The following SSBP4 variants were observed in gnomAD, a reference collection of about 807,000 sequenced individuals.
The protein encoded by SSBP4 is single stranded DNA binding protein 4.
A neutral mutation model predicts 64.6 loss-of-function variants in SSBP4; 33 were observed. That is an observed-to-expected ratio of 0.51 (90% CI 0.39 to 0.68). The LOEUF is 0.68. SSBP4 is among the 30% of genes least tolerant of loss of function. The probability of loss-of-function intolerance (pLI) is 0.00; values close to 1 mark genes in which losing one functional copy is unlikely to be tolerated. For missense variants in SSBP4, 583 were observed against 566.8 expected (o/e 1.03, Z -0.29); for synonymous variants, 243 against 224.0 (o/e 1.08, Z -0.76).
rs80187524 is a variant in SSBP4, at chr19:18,423,327, G to A, written c.59+3620G>A. Among the ~76,000 whole-genome samples the A allele has an allele frequency of 0.041, 6,306 of 152,228 alleles. 267 individuals are homozygous for A. Among genetic ancestry groups the A allele is most frequent in the African/African-American group, 0.11 (4,558 of 41,540 alleles). ...AGGGATGGGATTCACGATTGGACGT[G>A]GTCATTTTGGCCCCTGGCTGGAAAT... On this transcript the variant is annotated intron_variant, in intron 1 of 17. Coordinates refer to ENST00000270061, the MANE Select transcript of SSBP4 (RefSeq NM_032627.5). The surrounding 1 kb of genome is among the most constrained non-coding windows in gnomAD (Gnocchi z 4.0).
At chr19:18,415,129 T>G (rs1972121696), upstream of SSBP4, among the ~76,000 whole-genome samples, 1 of 148,990 alleles carries the variant, frequency 6.7e-6, no homozygotes, top group Non-Finnish European at 1.5e-5. Context: ...CTGGTGTTGT[T>G]TGGGTTTTAA....
Position 18,423,883 on chromosome 19 carries a change from T to G in SSBP4, c.60-3468T>G, listed in dbSNP as rs1445598499. ...GTACCGGCCCAGGGCAGGTGGCCGG[T>G]GGGGGGCAGAGGGCATGGGTGATTT... On this transcript the variant is annotated intron_variant, in intron 1 of 17. Coordinates refer to ENST00000270061, the MANE Select transcript of SSBP4 (RefSeq NM_032627.5). This position sits in a 1 kb window ranked among gnomAD's most constrained non-coding sequence, Gnocchi z 4.0. 6.6e-6 allele frequency among the ~76,000 whole-genome samples: 1 copy of G among 151,922 alleles called. No individual in the cohort carries two copies. The highest frequency in any genetic ancestry group is 1.5e-5 in the Non-Finnish European group (1 of 67,960).
intron 11 of SSBP4, 24 bp downstream of exon 11, chr19:18,432,628 G>C (rs779122635): frequency 4.8e-5 from 75 of 1,552,482 alleles, no homozygotes; most frequent in Non-Finnish European, 6.5e-5. Flanking sequence ...TGGGTGGGCA[G>C]GCTTGGGGTG....
intron 1 of SSBP4, among the ~76,000 whole-genome samples, chr19:18,422,376 C>A (rs1177867244): frequency 6.6e-6 from 1 of 152,160 alleles, no homozygotes; most frequent in Non-Finnish European, 1.5e-5. Flanking sequence ...CTCGGAAGTC[C>A]CTCAGCTGCC....
chr19:18,427,922 G>T lies in SSBP4; in HGVS notation c.219G>T (p.Ala73=). ...GCGTCTTCTGGGACCTGTACTGCGC[G>T]GCGCCTGACAGAAGAGAGGCCTGCG... The part of the protein sequence containing the change: ...WWCVFWDLYC[A]APDRREACEH... The change falls in exon 4 of 18, where the codon GCG becomes GCT. Residue 73 remains alanine (A), a synonymous_variant. Transcript: ENST00000270061. The surrounding 1 kb of genome is among the most constrained non-coding windows in gnomAD (Gnocchi z 4.4). 6.2e-7 allele frequency: 1 copy of T among 1,613,798 alleles called. No individual in the cohort carries two copies.
chr19:18,404,509 A>G, the SSBP4 span, among the ~76,000 whole-genome samples: 19 of 147,758 alleles, frequency 1.3e-4, 1 homozygote, highest in Admixed American at 1.0e-3. Context: ...CAGGAGAATC[A>G]CTTGAACCCA....
chr19:18,411,994 CA>C, the SSBP4 span, among the ~76,000 whole-genome samples: 13 of 150,236 alleles, frequency 8.7e-5, no homozygotes, highest in Admixed American at 6.6e-4. Context: ...TCAGACCCCC[CA>C]CACACACACA....
chr19:18,430,513 T>C (rs1973272843), intron 4 of SSBP4, among the ~76,000 whole-genome samples: 1 of 152,028 alleles, frequency 6.6e-6, no homozygotes, highest in Admixed American at 6.5e-5. Flanking sequence ...AAACTGCCGG[T>C]ATATTTGTGT....
intron 4 of SSBP4, among the ~76,000 whole-genome samples, chr19:18,430,543 C>T (rs932987353): frequency 2.6e-5 from 4 of 152,086 alleles, no homozygotes; most frequent in Admixed American, 2.6e-4. Context: ...TTTGGGGGGT[C>T]CTGAGTAGAG....
Position 18,432,971 on chromosome 19 carries a change from A to C in SSBP4, c.842-2A>C. On this transcript the variant is annotated splice_acceptor_variant, in intron 13 of 17. Coordinates refer to ENST00000270061, the MANE Select transcript of SSBP4 (RefSeq NM_032627.5). LOFTEE classifies it high-confidence loss of function. The stretch of plus-strand genomic sequence containing the variant: ...ACCTGGCACCCTTCTGGTCTCCCCC[A>C]GATTCCACCAACTCCAGCGAAAACA... 1.2e-6 allele frequency: 2 copies of C among 1,614,150 alleles called. No homozygotes were observed. The highest frequency in any genetic ancestry group is 1.7e-6 in the Non-Finnish European group (2 of 1,180,008).
chr19:18,423,914 C>T lies in SSBP4; in HGVS notation c.60-3437C>T, dbSNP rs1190426811. Among the ~76,000 whole-genome samples, 1 of 152,180 alleles carries T rather than the reference C, an allele frequency of 6.6e-6. No homozygotes were observed. The highest frequency in any genetic ancestry group is 1.5e-5 in the Non-Finnish European group (1 of 68,032). ...GCAGAGGGCATGGGTGATTTGCATC[C>T]AGAGCCCTTCCCTATAACTGAGCTC... On this transcript the variant is annotated intron_variant, in intron 1 of 17. Transcript: ENST00000270061. This position sits in a 1 kb window ranked among gnomAD's most constrained non-coding sequence, Gnocchi z 4.0.
upstream of SSBP4, chr19:18,419,395 C>A: frequency 9.7e-7 from 1 of 1,032,734 alleles, no homozygotes; most frequent in Non-Finnish European, 1.2e-6. Flanking sequence ...GAGGGGAGCG[C>A]GCGTTTCCCG....
chr19:18,417,385 C>T (rs1265177278), upstream of SSBP4, among the ~76,000 whole-genome samples: 1 of 152,194 alleles, frequency 6.6e-6, no homozygotes, highest in Non-Finnish European at 1.5e-5. The surrounding 1 kb of genome is among the most constrained non-coding windows in gnomAD (Gnocchi z 5.4). Context: ...CACACAGGGC[C>T]CTGGGGAGCC....
rs1337596443 is a variant in SSBP4, at chr19:18,423,631, G to T, written c.60-3720G>T. Among the ~76,000 whole-genome samples, 1 of 152,176 alleles carries T rather than the reference G, an allele frequency of 6.6e-6. No individual in the cohort carries two copies. Among genetic ancestry groups the T allele is most frequent in the African/African-American group, 2.4e-5 (1 of 41,446 alleles). ...GGTAACTCGCGTCATTACGGTGGTA[G>T]CTGTGGTACATTTCAGGCCACCAGG... On this transcript the variant is annotated intron_variant, in intron 1 of 17. Coordinates refer to ENST00000270061, the MANE Select transcript of SSBP4 (RefSeq NM_032627.5). This position sits in a 1 kb window ranked among gnomAD's most constrained non-coding sequence, Gnocchi z 4.0.
upstream of SSBP4, among the ~76,000 whole-genome samples, chr19:18,414,043 G>T (rs1169064156): frequency 6.7e-6 from 1 of 150,374 alleles, no homozygotes; most frequent in Non-Finnish European, 1.5e-5. Flanking sequence ...AAAAAAAACG[G>T]CATTCCCTCG....
At chr19:18,420,653 A>G (rs538037437) in intron 1 of SSBP4, among the ~76,000 whole-genome samples, 1 of 151,880 alleles carries the variant, frequency 6.6e-6, no homozygotes, top group African/African-American at 2.4e-5. Flanking sequence ...AGGCCAAGAG[A>G]TCGAGACAAT....
upstream of SSBP4, chr19:18,419,133 G>C: frequency 2.0e-6 from 2 of 985,528 alleles, no homozygotes; most frequent in South Asian, 9.4e-5. Flanking sequence ...CAATGTGGGT[G>C]GCCGGCTCCA....
chr19:18,428,069 A>T, intron 4 of SSBP4, 87 bp downstream of exon 4: 1 of 1,266,992 alleles, frequency 7.9e-7, no homozygotes, highest in South Asian at 1.2e-5. Context: ...GGGGCTGCAC[A>T]GCCAGAGGAG....
chr19:18,429,830 G>C (rs1279005271), intron 4 of SSBP4, among the ~76,000 whole-genome samples: 1 of 152,168 alleles, frequency 6.6e-6, no homozygotes, highest in Non-Finnish European at 1.5e-5. Context: ...CCCAGTTTAG[G>C]ACCCTGGCGG....
Sources: allele counts gnomAD v4.1 joint callset (sites outside exome capture counted in the v4.1 genomes callset), GRCh38; gene constraint gnomAD v4.1.1; non-coding constraint Gnocchi (gnomAD v3.1); transcripts MANE v1.5; gene names NCBI Gene and HGNC (gene_info 2026-07-23, HGNC 2026-07-21).